EXOC6B: variants seen among roughly 807,000 people sequenced by gnomAD.
EXOC6B encodes the protein exocyst complex component 6B.
EXOC6B carries 54 observed loss-of-function variants against 113.5 expected under a neutral mutation model. The ratio of observed to expected loss-of-function variants is 0.48; its 90% CI spans 0.38 to 0.60. EXOC6B has a LOEUF of 0.60. EXOC6B is among the 20% of genes least tolerant of loss of function. EXOC6B has a pLI of 0.00. For missense variants in EXOC6B, 797 were observed against 977.5 expected, an observed-to-expected ratio of 0.82 and a Z score of 2.46; for synonymous variants, 357 against 339.0, an observed-to-expected ratio of 1.05 and a Z score of -0.58.
At chr2:72,215,862 AG>A (rs770400043) in intron 20 of EXOC6B, among the ~76,000 whole-genome samples, 6 of 152,186 alleles carry the variant, frequency 3.9e-5, no homozygotes, top group Non-Finnish European at 8.8e-5. Context: ...GCTTAGCCTT[AG>A]GTGCTTCTGT....
chr2:72,556,727 G>A (rs180762584), intron 8 of EXOC6B, among the ~76,000 whole-genome samples: 1 of 148,298 alleles, frequency 6.7e-6, no homozygotes, highest in Non-Finnish European at 1.5e-5. Flanking sequence ...AATACTCTGT[G>A]ACAGCAGGAT....
chr2:72,499,473 C>T (rs1700208957), intron 12 of EXOC6B, among the ~76,000 whole-genome samples: 3 of 151,842 alleles, frequency 2.0e-5, no homozygotes, highest in Admixed American at 6.6e-5. Flanking sequence ...TCAAGTGATC[C>T]GCCTGCCTCA....
chr2:72,697,008 TA>T (rs962868281), intron 6 of EXOC6B, among the ~76,000 whole-genome samples: 2 of 152,114 alleles, frequency 1.3e-5, no homozygotes, highest in African/African-American at 4.8e-5. Flanking sequence ...ACAAGGAATT[TA>T]AATGTATTAT....
At chr2:72,450,931 TAAAC>T (rs1011876310) in intron 18 of EXOC6B, among the ~76,000 whole-genome samples, 1 of 151,986 alleles carries the variant, frequency 6.6e-6, no homozygotes, top group Non-Finnish European at 1.5e-5. Context: ...GGTAAAAAGA[TAAAC>T]AAAAAACACT....
intron 1 of EXOC6B, among the ~76,000 whole-genome samples, chr2:72,756,764 A>G (rs1161115425): frequency 6.6e-6 from 1 of 152,156 alleles, no homozygotes; most frequent in South Asian, 2.1e-4. Context: ...ACATAGAAGC[A>G]TTTACCTTTC....
chr2:72,438,789 A>G (rs894014322), intron 18 of EXOC6B, among the ~76,000 whole-genome samples: 1 of 152,158 alleles, frequency 6.6e-6, no homozygotes, highest in African/African-American at 2.4e-5. Context: ...TTTTTTCATT[A>G]ACACCTCAGG....
At chr2:72,183,989 T>C (rs1678255084) in intron 21 of EXOC6B, 86 bp downstream of exon 21, 3 of 723,924 alleles carry the variant, frequency 4.1e-6, no homozygotes, top group East Asian at 2.9e-5. Context: ...TTTCAAGGTA[T>C]TGGCAGTGGC....
chr2:72,785,228 T>C lies in EXOC6B; in HGVS notation c.113+40570A>G, dbSNP rs141264194. On this transcript the variant is annotated intron_variant, in intron 1 of 21. Transcript: ENST00000272427. The stretch of plus-strand genomic sequence containing the variant: ...TGCAGGGTACAGCCTCCCTCTCAGC[T>C]GCTTTCATGGGCTAGCATTGAGTGT... Among the ~76,000 whole-genome samples, 13 of 152,322 alleles carry C rather than the reference T, an allele frequency of 8.5e-5. No individual in the cohort carries two copies. In the East Asian group the frequency reaches 2.5e-3, roughly 29 times the overall value.
At chr2:72,675,312 A>G (rs934551195) in intron 6 of EXOC6B, among the ~76,000 whole-genome samples, 6 of 152,264 alleles carry the variant, frequency 3.9e-5, no homozygotes, top group East Asian at 1.9e-4. Context: ...TAAACATTCT[A>G]TTAGTCTGAT....
At chr2:72,618,594 T>C (rs80080860) in intron 6 of EXOC6B, among the ~76,000 whole-genome samples, 4,410 of 152,276 alleles carry the variant, frequency 0.029, 216 homozygotes, top group African/African-American at 0.1. Flanking sequence ...AAATCATCTG[T>C]CTAATGTATT....
chr2:72,781,549 C>G (rs1489712367), intron 1 of EXOC6B, among the ~76,000 whole-genome samples: 1 of 152,150 alleles, frequency 6.6e-6, no homozygotes, highest in East Asian at 1.9e-4. Context: ...TGTTGTAGTG[C>G]AAAAGCCACC....
chr2:72,529,856 T>C (rs560556939), intron 8 of EXOC6B, among the ~76,000 whole-genome samples: 1 of 152,306 alleles, frequency 6.6e-6, no homozygotes, highest in South Asian at 2.1e-4. Flanking sequence ...ATTGTGATAG[T>C]TTGTGTTTTT....
chr2:72,779,722 C>T (rs1683916522), intron 1 of EXOC6B, among the ~76,000 whole-genome samples: 1 of 152,124 alleles, frequency 6.6e-6, no homozygotes, highest in Non-Finnish European at 1.5e-5. Flanking sequence ...AAGAATTAGA[C>T]TATTGTCTAA....
chr2:72,492,627 T>G (rs1413956443), intron 15 of EXOC6B, among the ~76,000 whole-genome samples, 198 bp from the exon 16 acceptor site: 3 of 151,554 alleles, frequency 2.0e-5, no homozygotes, highest in Admixed American at 6.6e-5. Flanking sequence ...TTGCCTTCAT[T>G]TTTGAAAATT....
At chr2:72,265,301 G>C (rs1378724938) in intron 20 of EXOC6B, among the ~76,000 whole-genome samples, 1 of 150,688 alleles carries the variant, frequency 6.6e-6, no homozygotes, top group Non-Finnish European at 1.5e-5. Flanking sequence ...TGTGCACAAT[G>C]TGCAGGTTAG....
rs1371702913 is a variant in EXOC6B, at chr2:72,718,099, C to T, written c.669+4G>A. ...GGCCAACCTATCATAAACCCAAGAC[C>T]TACTTGCTTCATGGCAGTCTCTCCA... On this transcript the variant is annotated splice_donor_region_variant and intron_variant, in intron 6 of 21. Transcript: ENST00000272427. 6 of 1,601,042 alleles carry T rather than the reference C, an allele frequency of 3.7e-6. No individual in the cohort carries two copies. The highest frequency in any genetic ancestry group is 5.1e-6 in the Non-Finnish European group (6 of 1,173,270).
At chr2:72,789,173 C>G (rs983685404) in intron 1 of EXOC6B, among the ~76,000 whole-genome samples, 1 of 152,178 alleles carries the variant, frequency 6.6e-6, no homozygotes, top group African/African-American at 2.4e-5. Context: ...AAGTTCTGTA[C>G]TTAGCACTAT....
chr2:72,429,748 G>A (rs1290418543), intron 18 of EXOC6B, among the ~76,000 whole-genome samples: 1 of 152,180 alleles, frequency 6.6e-6, no homozygotes, highest in Non-Finnish European at 1.5e-5. Flanking sequence ...CAGGAATGCA[G>A]CTAAACATTC....
In EXOC6B at chr2:72,498,577, C is replaced by T. The variant is rs774076476; in HGVS notation, c.1240-26G>A. On this transcript the variant is annotated intron_variant, in intron 12 of 21. Transcript: ENST00000272427. ...CTGAAACAAAATAAGAAAATCACTT[C>T]AGTGTCTAAGGAAGGAGTTTTTTTT... 4.0e-6 allele frequency: 6 copies of T among 1,506,522 alleles called. No homozygotes were observed. In the East Asian group the frequency reaches 1.4e-4, roughly 35 times the overall value. 93.3% of individuals were successfully genotyped at this position (1,506,522 alleles called of 1,614,324 possible).
Sources: gnomAD v4.1 joint callset for allele counts (sites outside exome capture counted in the v4.1 genomes callset) on GRCh38, gnomAD v4.1.1 for gene constraint, MANE v1.5 for transcripts, NCBI Gene and HGNC (gene_info 2026-07-23, HGNC 2026-07-21) for gene names.